Variants in PCNT observed in about 807,000 individuals in gnomAD.
PCNT encodes the protein pericentrin.
Under a neutral mutation model 380.4 loss-of-function variants are expected in PCNT, and 319 were observed. That is an observed-to-expected ratio of 0.84 (90% CI 0.77 to 0.92). PCNT has a LOEUF of 0.92. PCNT is among the 40% of genes least tolerant of loss of function. The pLI, the probability that PCNT is intolerant of heterozygous loss-of-function variation, is 0.00. For synonymous variants in PCNT, 1,845 were observed against 1,735.2 expected (o/e 1.06, Z -1.57); for missense variants, 4,400 against 4,255.3 (o/e 1.03, Z -0.95).
intron 21 of PCNT, among the ~76,000 whole-genome samples, chr21:46,391,916 A>G (rs1021081014): frequency 3.3e-5 from 5 of 152,288 alleles, no homozygotes; most frequent in African/African-American, 1.2e-4. Flanking sequence ...GGCTTTTCAC[A>G]TTGCATTCGT....
At chr21:46,424,053 A>G (rs1019468746) in intron 32 of PCNT, among the ~76,000 whole-genome samples, 9 of 152,112 alleles carry the variant, frequency 5.9e-5, no homozygotes, top group African/African-American at 1.7e-4. Flanking sequence ...GCAGTGGGGA[A>G]CTGAGTGGAG....
intron 13 of PCNT, among the ~76,000 whole-genome samples, chr21:46,360,694 A>G (rs2084681676): frequency 6.7e-6 from 1 of 150,156 alleles, no homozygotes; most frequent in South Asian, 2.1e-4. Context: ...AATTTTTTAT[A>G]TTTTTAGTAG....
chr21:46,376,410 G>A (rs956475555), intron 15 of PCNT, among the ~76,000 whole-genome samples: 37 of 152,232 alleles, frequency 2.4e-4, no homozygotes, highest in Non-Finnish European at 2.2e-4. Flanking sequence ...CACCGGGAGC[G>A]CAGAGGTTTG....
intron 15 of PCNT, among the ~76,000 whole-genome samples, chr21:46,369,007 A>G (rs1229941457): frequency 6.6e-6 from 1 of 152,250 alleles, no homozygotes; most frequent in Admixed American, 6.5e-5. Context: ...GTGTAAGAAC[A>G]GGAGAAAAGT....
intron 19 of PCNT, 31 bp downstream of exon 19, chr21:46,389,462 G>T (rs1279421509): frequency 4.5e-6 from 7 of 1,567,930 alleles, no homozygotes; most frequent in Non-Finnish European, 6.1e-6. Flanking sequence ...GTCCTGTGGA[G>T]ATGTGAACAA....
intron 9 of PCNT, among the ~76,000 whole-genome samples, chr21:46,352,366 G>T (rs1347508337): frequency 6.6e-6 from 1 of 152,166 alleles, no homozygotes; most frequent in Non-Finnish European, 1.5e-5. Context: ...TCCTCTGGGG[G>T]TCTGTCTGTC....
chr21:46,427,192 C>T (rs2087544272), intron 33 of PCNT, among the ~76,000 whole-genome samples: 1 of 152,248 alleles, frequency 6.6e-6, no homozygotes, highest in Non-Finnish European at 1.5e-5. Context: ...TCAGTCTCTT[C>T]TGTGCTCATG....
Position 46,346,946 on chromosome 21 carries a change from G to A in PCNT, c.924G>A (p.Glu308=), listed in dbSNP as rs146178359. 1.3e-5 allele frequency: 21 copies of A among 1,598,206 alleles called. No individual in the cohort carries two copies. Among genetic ancestry groups the A allele is most frequent in the East Asian group, 4.5e-5 (2 of 44,338 alleles). Residue 308 remains glutamate, a synonymous_variant, in exon 5 of 47, where the codon GAG becomes GAA. Transcript: ENST00000359568. ...RQQHELELLR[E]QHAREKEEVV... ...AGCACGAGCTGGAGCTCCTCAGGGAGCAGCACGCACGGGAGAAGGAGGAGG... is the reference window on the plus strand; with the variant it reads ...AGCACGAGCTGGAGCTCCTCAGGGAACAGCACGCACGGGAGAAGGAGGAGG...
At chr21:46,348,972 A>T in intron 6 of PCNT, 40 bp from the exon 7 acceptor site, 1 of 1,304,186 alleles carries the variant, frequency 7.7e-7, no homozygotes, top group Non-Finnish European at 1.1e-6. Context: ...TAGCACAGAT[A>T]ATCAACTATT....
At position 46,422,147 on chromosome 21, in the gene PCNT, T is replaced by C. The variant is rs1251868468; in HGVS notation, c.7179+23T>C. 3 of 1,612,354 alleles carry C rather than the reference T, an allele frequency of 1.9e-6. No homozygotes were observed. The Admixed American group carries it at 5.0e-5, about 27-fold the overall frequency. ...AAGGTATGGCTGGCAGGGGCGGCCC[T>C]CACAGCTTCACATGTGCAGCCTCGG... is the stretch of plus-strand genomic sequence containing the variant. On this transcript the variant is annotated intron_variant, in intron 32 of 46. Coordinates refer to ENST00000359568, the MANE Select transcript of PCNT (RefSeq NM_006031.6).
rs185972042 is a variant in PCNT at position 46,412,800 on chromosome 21, C to T, written c.5995-37C>T. 4 of 1,605,768 alleles carry T rather than the reference C, an allele frequency of 2.5e-6. No homozygotes were observed. The African/African-American group carries it at 5.3e-5, about 21-fold the overall frequency. On this transcript the variant is annotated intron_variant, in intron 28 of 46. Coordinates refer to ENST00000359568, the MANE Select transcript of PCNT (RefSeq NM_006031.6). Reference sequence around the variant, plus strand: ...TGAGGGGCAGCCCCAGCAACAGCCTCCTGCATGCTCAGCTTTCCTCTGTCT... The same window carrying T: ...TGAGGGGCAGCCCCAGCAACAGCCTTCTGCATGCTCAGCTTTCCTCTGTCT...
At chr21:46,335,857 T>C (rs2083719307) in intron 3 of PCNT, among the ~76,000 whole-genome samples, 1 of 151,772 alleles carries the variant, frequency 6.6e-6, no homozygotes, top group African/African-American at 2.4e-5. Context: ...GGCTAATTAT[T>C]GTATTTTTAG....
At position 46,363,526 on chromosome 21, in the gene PCNT, C is replaced by G; in HGVS notation, c.2201C>G (p.Ala734Gly). 3 of 1,613,970 alleles carry G rather than the reference C, an allele frequency of 1.9e-6. No homozygotes were observed. The highest frequency in any genetic ancestry group is 2.5e-6 in the Non-Finnish European group (3 of 1,179,936). Residue 734 changes from alanine (A) to glycine (G), a missense_variant, in exon 14 of 47, where the codon GCT becomes GGT. Ala to Gly is a moderately conservative substitution (Grantham distance 60). Transcript: ENST00000359568. Reference sequence around the variant, plus strand: ...GACCACCAGAAGGAACTAAATAATGCTAAGCAAAAGACTGAGCTGATGAAA... The same window carrying G: ...GACCACCAGAAGGAACTAAATAATGGTAAGCAAAAGACTGAGCTGATGAAA... ...IEDHQKELNN[A>G]KQKTELMKQE... is the part of the protein sequence containing the mutation.
chr21:46,351,090 G>A (rs928862565), intron 8 of PCNT, among the ~76,000 whole-genome samples: 2 of 152,222 alleles, frequency 1.3e-5, no homozygotes, highest in African/African-American at 2.4e-5. Flanking sequence ...CAGTCTGTAT[G>A]TATGACCCTA....
At chr21:46,373,729 C>CT (rs57604484) in intron 15 of PCNT, among the ~76,000 whole-genome samples, 15,343 of 63,406 alleles carry the variant, frequency 0.24, 3,387 homozygotes, top group Middle Eastern at 0.35. Flanking sequence ...CCAGCCTTAG[C>CT]TTTTTTTTTT....
intron 15 of PCNT, among the ~76,000 whole-genome samples, chr21:46,374,207 A>G (rs1165400183): frequency 6.6e-6 from 1 of 152,162 alleles, no homozygotes; most frequent in African/African-American, 2.4e-5. Context: ...AGTGGGGTGC[A>G]CGTTCAATAC....
intron 13 of PCNT, among the ~76,000 whole-genome samples, chr21:46,361,547 A>G (rs1304063799): frequency 3.3e-5 from 5 of 152,168 alleles, no homozygotes; most frequent in Admixed American, 6.5e-5. Flanking sequence ...TGCAGTTTTC[A>G]TAGACTAGAC....
rs542746626 is a variant in PCNT, at chr21:46,367,402, G to T, written c.3165+263G>T. 2.6e-5 allele frequency among the ~76,000 whole-genome samples: 4 copies of T among 151,942 alleles called. No homozygotes were observed. The South Asian group carries it at 8.3e-4, about 32-fold the overall frequency. On this transcript the variant is annotated intron_variant, in intron 15 of 46. Transcript: ENST00000359568. The stretch of plus-strand genomic sequence containing the variant: ...GGCTCACTGCAACCTCCGCCTCCTG[G>T]GTTCAAGTGATTCTTCTGCCTCAGC...
chr21:46,380,145 A>ATTTTTTTTTTTTTT, intron 15 of PCNT, among the ~76,000 whole-genome samples: 1 of 59,714 alleles, frequency 1.7e-5, no homozygotes, highest in Non-Finnish European at 2.9e-5. Context: ...CCTGGGGTAG[A>ATTTTTTTTTTTTTT]TTTTTTTTTT....
Sources: gnomAD v4.1 joint callset for allele counts (sites outside exome capture counted in the v4.1 genomes callset) on GRCh38, gnomAD v4.1.1 for gene constraint, MANE v1.5 for transcripts, NCBI Gene and HGNC (gene_info 2026-07-23, HGNC 2026-07-21) for gene names.